TCF12: variants seen among roughly 807,000 people sequenced by gnomAD.
The protein encoded by TCF12 is DNA-binding protein HTF4.
In TCF12, 45 loss-of-function variants were observed where a neutral mutation model predicts 86.0. The observed-to-expected ratio is 0.52, with a 90% CI of 0.41 to 0.67. The LOEUF is 0.67. Ranked by LOEUF, TCF12 falls within the 30% of genes least tolerant of loss-of-function variation. The pLI, the probability that TCF12 is intolerant of heterozygous loss-of-function variation, is 0.00. For synonymous variants in TCF12, 330 were observed against 299.6 expected (o/e 1.10, Z -1.05); for missense variants, 881 against 859.9 (o/e 1.02, Z -0.31).
chr15:57,164,908 T>G (rs1403492948), intron 5 of TCF12, among the ~76,000 whole-genome samples: 2 of 152,218 alleles, frequency 1.3e-5, no homozygotes, highest in African/African-American at 4.8e-5. Flanking sequence ...CTTGAACTCC[T>G]GACCTCAGGT....
chr15:56,993,858 A>C (rs2063570549), intron 3 of TCF12, among the ~76,000 whole-genome samples: 1 of 152,238 alleles, frequency 6.6e-6, no homozygotes, highest in African/African-American at 2.4e-5. Context: ...GTTATAATCC[A>C]AAATTAGCTA....
intron 4 of TCF12, chr15:57,072,624 A>C (rs2069500286): frequency 1.4e-5 from 18 of 1,281,296 alleles, no homozygotes; most frequent in Non-Finnish European, 1.7e-5. Flanking sequence ...ACGAATTTTG[A>C]AATAGTATTT....
At chr15:57,076,665 A>G (rs997585685) in intron 4 of TCF12, among the ~76,000 whole-genome samples, 9 of 152,120 alleles carry the variant, frequency 5.9e-5, no homozygotes, top group African/African-American at 2.2e-4. Context: ...AAAGAAAGGA[A>G]TAGAATAAAC....
intron 3 of TCF12, among the ~76,000 whole-genome samples, chr15:56,971,419 T>C (rs1005437598): frequency 6.6e-6 from 1 of 151,772 alleles, no homozygotes; most frequent in Non-Finnish European, 1.5e-5. Flanking sequence ...AGCGAGACTT[T>C]ATCTCAAAAA....
chr15:57,212,131 T>C (rs2058137428), intron 8 of TCF12, among the ~76,000 whole-genome samples: 1 of 152,222 alleles, frequency 6.6e-6, no homozygotes, highest in Non-Finnish European at 1.5e-5. Context: ...GTGGATTCTA[T>C]ACTTTACCAA....
chr15:57,177,472 T>C (rs1000930842), intron 6 of TCF12, among the ~76,000 whole-genome samples: 2 of 151,962 alleles, frequency 1.3e-5, no homozygotes, highest in African/African-American at 2.4e-5. Context: ...GGTTTCACCA[T>C]GTTGGCCAGG....
intron 3 of TCF12, among the ~76,000 whole-genome samples, chr15:56,984,164 T>G (rs1227265876): frequency 6.6e-6 from 1 of 151,988 alleles, no homozygotes; most frequent in East Asian, 1.9e-4. Flanking sequence ...TGGTTGAAAT[T>G]ATGTGTATAA....
intron 3 of TCF12, among the ~76,000 whole-genome samples, chr15:56,946,347 T>C (rs144263917): frequency 2.6e-5 from 4 of 152,332 alleles, no homozygotes; most frequent in African/African-American, 9.6e-5. Flanking sequence ...AGGCTACCGA[T>C]CTTTTCTTCT....
chr15:56,992,061 C>G (rs2063485466), intron 3 of TCF12, among the ~76,000 whole-genome samples: 1 of 150,620 alleles, frequency 6.6e-6, no homozygotes, highest in Non-Finnish European at 1.5e-5. Flanking sequence ...CCAGATCAAT[C>G]TTGGCAATAC....
intron 6 of TCF12, among the ~76,000 whole-genome samples, chr15:57,171,488 C>A (rs572890682): frequency 6.3e-4 from 96 of 152,204 alleles, no homozygotes; most frequent in African/African-American, 2.3e-3. Flanking sequence ...CAAAATTATA[C>A]CCAAACACCA....
intron 3 of TCF12, among the ~76,000 whole-genome samples, chr15:56,980,036 G>C (rs1487591330): frequency 3.9e-5 from 6 of 152,122 alleles, no homozygotes; most frequent in Non-Finnish European, 7.3e-5. Flanking sequence ...GTTTACATAT[G>C]TATCAGCCAT....
chr15:56,960,101 G>A (rs1464444458), intron 3 of TCF12, among the ~76,000 whole-genome samples: 1 of 152,146 alleles, frequency 6.6e-6, no homozygotes, highest in African/African-American at 2.4e-5. Flanking sequence ...ATTTGAAAAT[G>A]CATTCGTCAA....
At position 56,950,773 on chromosome 15, in the gene TCF12, T is replaced by TA. The variant is rs2061234906; in HGVS notation, c.148+29677dup. Among the ~76,000 whole-genome samples, 7 of 108,676 alleles carry TA rather than the reference T, an allele frequency of 6.4e-5. 2 individuals are homozygous for TA. Among genetic ancestry groups the TA allele is most frequent in the African/African-American group, 1.5e-4 (4 of 26,576 alleles). The allele number at this position is 108,676 out of a possible 152,430, so 71.3% of individuals were successfully genotyped here. Reference sequence around the variant, plus strand: ...TTTTTTTTTTTTTTTTTTTTTTTTTTAAGTTAGAGTTTTGCTCTTATTGCC... The same window carrying TA: ...TTTTTTTTTTTTTTTTTTTTTTTTTTAAAGTTAGAGTTTTGCTCTTATTGCC... On this transcript the variant is annotated intron_variant, in intron 3 of 20. Coordinates refer to ENST00000333725, the MANE Select transcript of TCF12 (RefSeq NM_207037.2).
intron 5 of TCF12, among the ~76,000 whole-genome samples, chr15:57,162,723 A>G (rs936209012): frequency 4.6e-5 from 7 of 152,238 alleles, no homozygotes; most frequent in Admixed American, 2.0e-4. Flanking sequence ...ATGATCTATC[A>G]TATGGGTAGC....
In TCF12 at chr15:57,289,817, A is replaced by G. The variant is rs539639480; in HGVS notation, c.*3672A>G. 9 of 152,180 alleles carry G rather than the reference A, an allele frequency of 5.9e-5. No individual in the cohort carries two copies. The highest frequency in any genetic ancestry group is 1.2e-4 in the Non-Finnish European group (8 of 68,038). The allele number at this position is 152,180 out of a possible 1,614,324, so 9.4% of individuals were successfully genotyped here. Reference sequence around the variant, plus strand: ...TTGTCACCTAAGAAGTACTTAATAAATGATAAATATTTTTAAATAAATAAT... The same window carrying G: ...TTGTCACCTAAGAAGTACTTAATAAGTGATAAATATTTTTAAATAAATAAT... On this transcript the variant is annotated 3_prime_UTR_variant, in exon 21 of 21. Transcript: ENST00000333725.
intron 8 of TCF12, chr15:57,219,171 A>G: frequency 2.8e-6 from 3 of 1,074,164 alleles, no homozygotes; most frequent in Non-Finnish European, 3.4e-6. Flanking sequence ...TTGTGTGTGT[A>G]TATATGTATA....
chr15:57,265,235 T>G lies in TCF12; in HGVS notation c.1745+1961T>G, dbSNP rs563300693. Among the ~76,000 whole-genome samples, 3 of 152,158 alleles carry G rather than the reference T, an allele frequency of 2.0e-5. No individual in the cohort carries two copies. In the East Asian group the frequency reaches 5.8e-4, roughly 29 times the overall value. ...TGAAATGATGAGAAAAAAAATTGAT[T>G]CCTAGCTAGAGCCTCTTTGTTTGTG... On this transcript the variant is annotated intron_variant, in intron 18 of 20. Coordinates refer to ENST00000333725, the MANE Select transcript of TCF12 (RefSeq NM_207037.2).
intron 6 of TCF12, among the ~76,000 whole-genome samples, 158 bp downstream of exon 6, chr15:57,166,624 TCAGTTCCC>T (rs1336138849): frequency 6.6e-6 from 1 of 152,234 alleles, no homozygotes; most frequent in Non-Finnish European, 1.5e-5. Context: ...TAAAATTGTT[TCAGTTCCC>T]CAGTTTACCA....
intron 3 of TCF12, among the ~76,000 whole-genome samples, chr15:56,955,053 A>G (rs1049112388): frequency 6.6e-6 from 1 of 152,196 alleles, no homozygotes; most frequent in Non-Finnish European, 1.5e-5. Context: ...ATTACTGGGT[A>G]TATACCCAAA....
Sources: allele counts gnomAD v4.1 joint callset (sites outside exome capture counted in the v4.1 genomes callset), GRCh38; gene constraint gnomAD v4.1.1; transcripts MANE v1.5; gene names NCBI Gene and HGNC (gene_info 2026-07-23, HGNC 2026-07-21).